The following CYP2U1 variants were observed in gnomAD, a reference collection of about 807,000 sequenced individuals.
CYP2U1 encodes cytochrome P450 family 2 subfamily U member 1.
CYP2U1 carries 28 observed loss-of-function variants against 42.8 expected under a neutral mutation model. The observed-to-expected ratio is 0.65, with a 90% CI of 0.48 to 0.90. The LOEUF (loss-of-function observed/expected upper bound fraction) is 0.90, where lower values mean the gene tolerates loss of function less well. Ranked by LOEUF, CYP2U1 falls within the 40% of genes least tolerant of loss-of-function variation. The probability of loss-of-function intolerance (pLI) is 0.00; values close to 1 mark genes in which losing one functional copy is unlikely to be tolerated. For missense variants in CYP2U1, 642 were observed against 693.8 expected (o/e 0.93, Z 0.84); for synonymous variants, 296 against 278.9 (o/e 1.06, Z -0.61).
chr4:107,944,500 C>T (rs1733612154), intron 1 of CYP2U1, among the ~76,000 whole-genome samples: 1 of 149,824 alleles, frequency 6.7e-6, no homozygotes, highest in East Asian at 2.0e-4. Context: ...GAGATGGGGT[C>T]TTGTTCTGTT....
At chr4:107,943,416 G>A (rs141234130) in intron 1 of CYP2U1, among the ~76,000 whole-genome samples, 4 of 152,252 alleles carry the variant, frequency 2.6e-5, no homozygotes, top group South Asian at 2.1e-4. Context: ...TTAGAAATTC[G>A]CCTCCCATGC....
At position 107,932,003 on chromosome 4, in the gene CYP2U1, C is replaced by A; in HGVS notation, c.360C>A (p.Phe120Leu). The change falls in exon 1 of 5, where the codon TTC becomes TTA. Residue 120 changes from phenylalanine to leucine, a missense_variant. Transcript: ENST00000332884. ...LARVYGSIFS[F>L]FIGHYLVVVL... ...GCGTGTACGGCAGCATCTTCAGCTT[C>A]TTTATCGGCCACTACCTGGTGGTGG... 6.4e-7 allele frequency: 1 copy of A among 1,556,468 alleles called. No homozygotes were observed. Among genetic ancestry groups the A allele is most frequent in the Non-Finnish European group, 8.7e-7 (1 of 1,150,138 alleles).
At chr4:107,934,770 CT>C (rs1733199028) in intron 1 of CYP2U1, among the ~76,000 whole-genome samples, 1 of 152,228 alleles carries the variant, frequency 6.6e-6, no homozygotes, top group African/African-American at 2.4e-5. Flanking sequence ...TGTTTGTCTT[CT>C]TTGGGCCTGG....
At position 107,945,379 on chromosome 4, in the gene CYP2U1, A is replaced by C. The variant is rs1331077352; in HGVS notation, c.900A>C (p.Lys300Asn). 1 of 1,614,148 alleles carries C rather than the reference A, an allele frequency of 6.2e-7. No homozygotes were observed. Among genetic ancestry groups the C allele is most frequent in the Non-Finnish European group, 8.5e-7 (1 of 1,180,020 alleles). Reference sequence around the variant, plus strand: ...AGGATATAACCAGTTTCCTTAAAAAAATCATCAAAGACCATCAAGAGTCTC... The same window carrying C: ...AGGATATAACCAGTTTCCTTAAAAACATCATCAAAGACCATCAAGAGTCTC... ...IEKDITSFLKKIIKDHQESLD... is the reference protein window; with the variant it reads ...IEKDITSFLKNIIKDHQESLD... Residue 300 changes from lysine (K) to asparagine (N), a missense_variant, in exon 2 of 5, where the codon AAA becomes AAC. Transcript: ENST00000332884.
rs372979464 is a variant in CYP2U1 at position 107,947,420 on chromosome 4, G to A, written c.1171G>A (p.Ala391Thr). 1.6e-5 allele frequency: 26 copies of A among 1,614,012 alleles called. No individual in the cohort carries two copies. The highest frequency in any genetic ancestry group is 2.7e-5 in the African/African-American group (2 of 74,922). The change falls in exon 3 of 5, where the codon GCT (alanine) becomes ACT (threonine). Residue 391 changes from alanine to threonine, a missense_variant. Transcript: ENST00000332884. ...TGAAAGAGTCATTGGCGCCAACCGA[G>A]CTCCTTCCCTCACAGACAAGGCCCA... is the stretch of plus-strand genomic sequence containing the variant. ...EIERVIGANR[A>T]PSLTDKAQMP... is the part of the protein sequence containing the mutation.
At chr4:107,936,251 T>C (rs997013857) in intron 1 of CYP2U1, 3 of 152,216 alleles carry the variant, frequency 2.0e-5, no homozygotes, top group Admixed American at 2.0e-4. Flanking sequence ...CACTCTTAAG[T>C]GTGCTGATAT....
intron 1 of CYP2U1, among the ~76,000 whole-genome samples, chr4:107,934,028 C>A (rs1450447808): frequency 1.3e-5 from 2 of 152,070 alleles, no homozygotes; most frequent in African/African-American, 4.8e-5. Flanking sequence ...TAGAAGGGGG[C>A]AAATATCTGA....
chr4:107,943,254 T>C (rs376392334), intron 1 of CYP2U1, among the ~76,000 whole-genome samples: 24 of 152,326 alleles, frequency 1.6e-4, no homozygotes, highest in African/African-American at 5.3e-4. Flanking sequence ...GTGAACACGC[T>C]TTCAGAGTAC....
rs374633238 is a variant in CYP2U1, at chr4:107,945,523, T to C, written c.1044T>C (p.Asp348=). 204 of 1,613,870 alleles carry C rather than the reference T, an allele frequency of 1.3e-4. 1 individual carries two copies. Among genetic ancestry groups the C allele is most frequent in the Non-Finnish European group, 1.7e-4 (199 of 1,179,914 alleles). Residue 348 remains aspartate (D), a synonymous_variant, in exon 2 of 5, where the codon GAT becomes GAC. Transcript: ENST00000332884. ...AGTACTTATTTTATATCATTGGGGATCTCTTTATTGCTGGGACTGATACCA... is the reference window on the plus strand; with the variant it reads ...AGTACTTATTTTATATCATTGGGGACCTCTTTATTGCTGGGACTGATACCA... ...DEEYLFYIIG[D]LFIAGTDTTT...
At chr4:107,945,848 T>G (rs557653687) in intron 2 of CYP2U1, among the ~76,000 whole-genome samples, 3 of 152,334 alleles carry the variant, frequency 2.0e-5, no homozygotes, top group Admixed American at 1.3e-4. Context: ...CTATGTGAAA[T>G]CTATGATCAT....
intron 1 of CYP2U1, chr4:107,937,419 A>G (rs1026120557): frequency 1.3e-5 from 2 of 152,218 alleles, no homozygotes; most frequent in Non-Finnish European, 2.9e-5. Flanking sequence ...AAATGTAATC[A>G]GTGTACAACA....
chr4:107,933,835 GAAA>G (rs932209208), intron 1 of CYP2U1, among the ~76,000 whole-genome samples: 22 of 152,038 alleles, frequency 1.4e-4, no homozygotes, highest in African/African-American at 2.4e-5. Flanking sequence ...GGAATGACAA[GAAA>G]AAAAGTCTAC....
intron 1 of CYP2U1, among the ~76,000 whole-genome samples, chr4:107,942,998 G>T (rs575282866): frequency 3.5e-4 from 54 of 152,222 alleles, no homozygotes; most frequent in African/African-American, 1.2e-3. Flanking sequence ...GATGATAAAA[G>T]ATCTGCTATG....
rs576923939 is a variant in CYP2U1, at chr4:107,950,419, G to A, written c.1631G>A (p.Arg544Lys). 44 of 1,601,748 alleles carry A rather than the reference G, an allele frequency of 2.7e-5. No individual in the cohort carries two copies. The South Asian group carries it at 4.2e-4, about 15-fold the overall frequency. ...CCATTTAATATAACTATTTCAAGGA[G>A]ATGAAGAGCATCTCCAAGAAGAGAT... is the stretch of plus-strand genomic sequence containing the variant. ...PHPFNITISR[R>K] The change falls in exon 5 of 5, where the codon AGA becomes AAA. Residue 544 changes from arginine (R) to lysine (K), a missense_variant. Coordinates refer to ENST00000332884, the MANE Select transcript of CYP2U1 (RefSeq NM_183075.3).
At position 107,933,723 on chromosome 4, in the gene CYP2U1, C is replaced by G. The variant is rs566763671; in HGVS notation, c.490+1590C>G. 2.6e-5 allele frequency among the ~76,000 whole-genome samples: 4 copies of G among 152,278 alleles called. No individual in the cohort carries two copies. In the East Asian group the frequency reaches 7.7e-4, roughly 29 times the overall value. ...AAATGGTGTAGTATTTGCATATAGC[C>G]TATGCATATCCTCTTGGATACTTTA... On this transcript the variant is annotated intron_variant, in intron 1 of 4. Transcript: ENST00000332884.
chr4:107,934,804 T>G (rs909654631), intron 1 of CYP2U1, among the ~76,000 whole-genome samples: 1 of 152,226 alleles, frequency 6.6e-6, no homozygotes, highest in African/African-American at 2.4e-5. Context: ...CTTGACTGAT[T>G]GCTTGTCATC....
At chr4:107,943,153 G>A (rs971359412) in intron 1 of CYP2U1, among the ~76,000 whole-genome samples, 13 of 152,198 alleles carry the variant, frequency 8.5e-5, no homozygotes, top group African/African-American at 3.1e-4. Flanking sequence ...GATGAGATAC[G>A]TTTCAGCCTT....
rs1212381039 is a variant in CYP2U1, at chr4:107,947,514, C to T, written c.1265C>T (p.Pro422Leu). Reference protein sequence around the residue: ...RLTVVVPLAIPHMTSENTVLQ... With the variant: ...RLTVVVPLAILHMTSENTVLQ... The stretch of plus-strand genomic sequence containing the variant: ...ACTGTGGTGGTGCCGCTTGCCATTC[C>T]TCATATGACCTCAGAGAACACAGGC... Residue 422 changes from proline (P) to leucine (L), a missense_variant, in exon 3 of 5, where the codon CCT becomes CTT. Transcript: ENST00000332884. The T allele has an allele frequency of 2.0e-5, 32 of 1,613,934 alleles. No homozygotes were observed. The highest frequency in any genetic ancestry group is 2.5e-5 in the Non-Finnish European group (29 of 1,180,014).
intron 3 of CYP2U1, among the ~76,000 whole-genome samples, chr4:107,948,661 T>C (rs995837331): frequency 1.3e-5 from 2 of 152,298 alleles, no homozygotes; most frequent in East Asian, 3.9e-4. Context: ...CAGCCTCTCA[T>C]CTACAGTGAA....
Sources: gnomAD v4.1 joint callset for allele counts (sites outside exome capture counted in the v4.1 genomes callset) on GRCh38, gnomAD v4.1.1 for gene constraint, MANE v1.5 for transcripts, NCBI Gene and HGNC (gene_info 2026-07-23, HGNC 2026-07-21) for gene names.